NAALADL2: variants seen among roughly 807,000 people sequenced by gnomAD.
The protein encoded by NAALADL2 is inactive N-acetylated-alpha-linked acidic dipeptidase-like protein 2.
Under a neutral mutation model 87.2 loss-of-function variants are expected in NAALADL2, and 76 were observed. That is an observed-to-expected ratio of 0.87 (90% CI 0.72 to 1.05). The LOEUF (loss-of-function observed/expected upper bound fraction) is 1.05, where lower values mean the gene tolerates loss of function less well. Ranked by LOEUF, NAALADL2 falls within the 50% of genes least tolerant of loss-of-function variation. The probability of loss-of-function intolerance (pLI) is 0.00; values close to 1 mark genes in which losing one functional copy is unlikely to be tolerated. For missense variants in NAALADL2, 1,089 were observed against 945.8 expected (o/e 1.15, Z -1.99); for synonymous variants, 354 against 331.0 (o/e 1.07, Z -0.75).
At chr3:174,455,096 G>A (rs1323363763) in intron 1 of NAALADL2, among the ~76,000 whole-genome samples, 2 of 151,916 alleles carry the variant, frequency 1.3e-5, no homozygotes, top group East Asian at 3.9e-4. Flanking sequence ...AGAATATTTT[G>A]AACACCTCTG....
rs769013429 is a variant in NAALADL2, at chr3:175,537,509, A to G, written c.1654-38532A>G. Among the ~76,000 whole-genome samples the G allele has an allele frequency of 9.5e-4, 144 of 152,336 alleles. 3 individuals carry two copies. The highest frequency in any genetic ancestry group is 9.1e-3 in the Admixed American group (139 of 15,300). On this transcript the variant is annotated intron_variant, in intron 9 of 13. Transcript: ENST00000454872. ...CAATTATGGTTTAGTGTTCTCTTAT[A>G]CAAATAGCAACATTAATTAACAAAT...
At chr3:175,308,471 C>G (rs568322718) in intron 4 of NAALADL2, among the ~76,000 whole-genome samples, 1 of 152,252 alleles carries the variant, frequency 6.6e-6, no homozygotes, top group South Asian at 2.1e-4. Flanking sequence ...GCCTAAGTCA[C>G]CTGGGATATA....
intron 1 of NAALADL2, among the ~76,000 whole-genome samples, chr3:175,009,231 T>C (rs956571074): frequency 1.3e-5 from 2 of 152,160 alleles, no homozygotes; most frequent in African/African-American, 4.8e-5. Flanking sequence ...CACATTAATC[T>C]GAGAACCACT....
intron 4 of NAALADL2, among the ~76,000 whole-genome samples, chr3:175,270,777 T>C (rs1752717351): frequency 6.6e-6 from 1 of 152,138 alleles, no homozygotes; most frequent in Admixed American, 6.5e-5. Flanking sequence ...GAATGTTTAA[T>C]GGAAAAAGTG....
rs541565810 is a variant in NAALADL2 at position 175,431,356 on chromosome 3, T to A, written c.1091-15873T>A. On this transcript the variant is annotated intron_variant, in intron 5 of 13. Transcript: ENST00000454872. ...GCAGTATCAGAAGGAGCAATAGAGA[T>A]TTTTTGTTTGTTTGTTTGTTTGTTT... Among the ~76,000 whole-genome samples the A allele has an allele frequency of 2.9e-4, 44 of 152,106 alleles. 4 individuals carry two copies. Among genetic ancestry groups the A allele is most frequent in the Admixed American group, 1.5e-3 (23 of 15,244 alleles).
At chr3:175,671,288 T>A (rs1419155498) in intron 11 of NAALADL2, among the ~76,000 whole-genome samples, 1 of 151,996 alleles carries the variant, frequency 6.6e-6, no homozygotes, top group East Asian at 1.9e-4. Flanking sequence ...TTGTTGGATA[T>A]ATCTGAAATT....
chr3:174,746,204 C>T (rs1171624600), intron 3 of NAALADL2, among the ~76,000 whole-genome samples: 1 of 152,120 alleles, frequency 6.6e-6, no homozygotes, highest in East Asian at 1.9e-4. Flanking sequence ...CTAAGAGCTC[C>T]TTAAGCTGAT....
intron 10 of NAALADL2, among the ~76,000 whole-genome samples, chr3:175,580,627 AACTTAT>A (rs1719628899): frequency 6.6e-6 from 1 of 152,208 alleles, no homozygotes; most frequent in Non-Finnish European, 1.5e-5. Flanking sequence ...GTAACTACAA[AACTTAT>A]ATAAAGTCAC....
At chr3:175,493,221 TAGTA>T (rs1437917025) in intron 9 of NAALADL2, among the ~76,000 whole-genome samples, 10 of 152,240 alleles carry the variant, frequency 6.6e-5, no homozygotes, top group African/African-American at 2.4e-4. Flanking sequence ...CTGAATTTGA[TAGTA>T]AGCACATTAA....
At chr3:175,741,120 G>T (rs1561067817) in intron 12 of NAALADL2, among the ~76,000 whole-genome samples, 2 of 152,068 alleles carry the variant, frequency 1.3e-5, no homozygotes, top group African/African-American at 2.4e-5. Flanking sequence ...AGTCCATTCA[G>T]GCAGTTAAAA....
At chr3:175,570,656 G>A (rs925779508) in intron 9 of NAALADL2, among the ~76,000 whole-genome samples, 10 of 152,010 alleles carry the variant, frequency 6.6e-5, no homozygotes, top group South Asian at 2.1e-4. Flanking sequence ...CGAGGCGGGC[G>A]GATCACGAGG....
chr3:174,990,603 A>G (rs1425763379), intron 1 of NAALADL2, among the ~76,000 whole-genome samples: 1 of 152,160 alleles, frequency 6.6e-6, no homozygotes, highest in Non-Finnish European at 1.5e-5. Flanking sequence ...GAACTTTTCA[A>G]AAGTCGATAA....
chr3:174,494,443 G>A (rs1208375584), intron 1 of NAALADL2, among the ~76,000 whole-genome samples: 2 of 148,472 alleles, frequency 1.3e-5, no homozygotes, highest in African/African-American at 5.0e-5. Flanking sequence ...TTGGACACGG[G>A]ATGGGGAACA....
chr3:174,583,245 T>A (rs2108565213), intron 2 of NAALADL2, among the ~76,000 whole-genome samples: 1 of 152,368 alleles, frequency 6.6e-6, no homozygotes. Context: ...TGTACCTGTC[T>A]GCACTTTTAA....
chr3:174,652,946 CAT>C (rs937538411), intron 2 of NAALADL2, among the ~76,000 whole-genome samples: 1 of 152,044 alleles, frequency 6.6e-6, no homozygotes, highest in East Asian at 1.9e-4. Context: ...AGCCAGTAAT[CAT>C]ATGAAAAATT....
Position 175,339,080 on chromosome 3 carries a change from T to C in NAALADL2, c.1090+14755T>C, listed in dbSNP as rs868829995. 2.0e-5 allele frequency among the ~76,000 whole-genome samples: 3 copies of C among 152,326 alleles called. No individual in the cohort carries two copies. The South Asian group carries it at 6.2e-4, about 32-fold the overall frequency. The stretch of plus-strand genomic sequence containing the variant: ...GAACCCTGAAGGAGTGGGGAACAAC[T>C]GCGGCAGGCACACTGTGCTGGCACG... On this transcript the variant is annotated intron_variant, in intron 5 of 13. Coordinates refer to ENST00000454872, the MANE Select transcript of NAALADL2 (RefSeq NM_207015.3).
rs541293551 is a variant in NAALADL2, at chr3:174,581,338, G to T, written c.-115+30701G>T. 2.6e-5 allele frequency among the ~76,000 whole-genome samples: 4 copies of T among 152,226 alleles called. No individual in the cohort carries two copies. In the South Asian group the frequency reaches 8.3e-4, roughly 32 times the overall value. On this transcript the variant is annotated intron_variant, in intron 2 of 3. Transcript: ENST00000434257. ...ATGCAAAACATGAAATAAAATCTGG[G>T]TGGGGTCAGGGAAGACTTCAGAGGA...
At chr3:174,939,146 A>G (rs1738188290) in intron 1 of NAALADL2, among the ~76,000 whole-genome samples, 1 of 152,040 alleles carries the variant, frequency 6.6e-6, no homozygotes, top group African/African-American at 2.4e-5. Flanking sequence ...TTGGGATTTT[A>G]CTTTTAAGTC....
intron 5 of NAALADL2, among the ~76,000 whole-genome samples, chr3:175,365,042 G>A (rs1402242089): frequency 2.0e-5 from 3 of 147,540 alleles, no homozygotes; most frequent in Non-Finnish European, 4.5e-5. Context: ...GCATCATATA[G>A]CACAGCTTTC....
Sources: allele counts gnomAD v4.1 joint callset (sites outside exome capture counted in the v4.1 genomes callset), GRCh38; gene constraint gnomAD v4.1.1; transcripts MANE v1.5; gene names NCBI Gene and HGNC (gene_info 2026-07-23, HGNC 2026-07-21).